HDX: variants seen among roughly 807,000 people sequenced by gnomAD.
HDX encodes highly divergent homeobox.
HDX carries 19 observed loss-of-function variants against 45.2 expected under a neutral mutation model. The observed-to-expected ratio is 0.42, with a 90% CI of 0.29 to 0.62. The LOEUF (loss-of-function observed/expected upper bound fraction) is 0.62. Ranked by LOEUF, HDX falls within the 20% of genes least tolerant of loss-of-function variation. The probability of loss-of-function intolerance (pLI) is 0.20; values close to 1 mark genes in which losing one functional copy is unlikely to be tolerated. For synonymous variants in HDX, 188 were observed against 172.8 expected (o/e 1.09, Z -0.69); for missense variants, 532 against 493.9 (o/e 1.08, Z -0.73).
intron 5 of HDX, among the ~76,000 whole-genome samples, chrX:84,410,062 TAAAAAA>T (rs1215257762): frequency 1.3e-5 from 1 of 74,595 alleles, no homozygotes; most frequent in Admixed American, 1.6e-4. Flanking sequence ...CAAAAAAGAT[TAAAAAA>T]AAAAAAAAAA....
At chrX:84,469,644 T>A (rs1032322458) in intron 3 of HDX, 69 bp from the exon 4 acceptor site, 32 of 863,227 alleles carry the variant, frequency 3.7e-5, no homozygotes, top group Non-Finnish European at 4.9e-5. Flanking sequence ...AAATTTTACG[T>A]GGTACATTAT....
At chrX:84,413,280 T>C (rs775509795) in intron 5 of HDX, among the ~76,000 whole-genome samples, 1 of 112,310 alleles carries the variant, frequency 8.9e-6, no homozygotes, top group East Asian at 2.8e-4. Context: ...TGTGCTGATG[T>C]TTTTTGAGTC....
intron 5 of HDX, among the ~76,000 whole-genome samples, chrX:84,428,493 C>T (rs780309082): frequency 9.0e-6 from 1 of 110,811 alleles, no homozygotes; most frequent in Non-Finnish European, 1.9e-5. Context: ...TTGTCTTTCG[C>T]GGACATTTTA....
chrX:84,490,850 T>G (rs2040879880), intron 1 of HDX, among the ~76,000 whole-genome samples: 1 of 111,203 alleles, frequency 9.0e-6, no homozygotes, highest in Non-Finnish European at 1.9e-5. Flanking sequence ...TTCAGCACAT[T>G]AAGAATGTTG....
In HDX at chrX:84,326,234, T is replaced by C. The variant is rs765365495; in HGVS notation, c.1891A>G (p.Thr631Ala). The change falls in exon 10 of 11, where the codon ACT becomes GCT. Residue 631 changes from threonine to alanine, a missense_variant. Around this residue, in one of 3 missense-constraint regions of HDX, gnomAD observed 151 missense variants for 131.8 expected, o/e 1.15. Transcript: ENST00000373177. ...GCTAATATCAAGCTTCTAACAAAAG[T>C]CTGAAGTTTAAAGTATTTTTGCTTT... ...IQKQKYFKLQTFVRSLILAMK... is the reference protein window; with the variant it reads ...IQKQKYFKLQAFVRSLILAMK... The C allele has an allele frequency of 2.5e-6, 3 of 1,198,847 alleles. No individual in the cohort carries two copies. Among genetic ancestry groups the C allele is most frequent in the South Asian group, 3.5e-5 (2 of 56,654 alleles).
At chrX:84,362,104 G>A (rs192610619) in intron 5 of HDX, among the ~76,000 whole-genome samples, 1 of 111,230 alleles carries the variant, frequency 9.0e-6, no homozygotes, top group East Asian at 2.8e-4. Flanking sequence ...CTAGATATTA[G>A]TTTCCTATTG....
At chrX:84,483,129 AC>A (rs1206326153) in intron 2 of HDX, among the ~76,000 whole-genome samples, 1 of 110,734 alleles carries the variant, frequency 9.0e-6, no homozygotes, top group East Asian at 2.9e-4. Context: ...AGCTGATTTC[AC>A]AGACTGATGT....
chrX:84,432,176 T>C (rs1473324593), intron 5 of HDX, among the ~76,000 whole-genome samples: 1 of 111,534 alleles, frequency 9.0e-6, no homozygotes, highest in East Asian at 2.8e-4. Flanking sequence ...GGCTCTCTAT[T>C]CTGTTCCATT....
In HDX at chrX:84,321,907, A is replaced by G. The variant is rs2036604704; in HGVS notation, c.2055T>C (p.Asn685=). 9 of 1,191,503 alleles carry G rather than the reference A, an allele frequency of 7.6e-6. No individual in the cohort carries two copies. The East Asian group carries it at 2.7e-4, about 36-fold the overall frequency. ...SFSVSSLSEK[N]VSESL ...ACTGAAATCACAAACTTTCTGAGAC[A>G]TTTTTCTCTGACAAAGAAGATACAC... is the stretch of plus-strand genomic sequence containing the variant. The change falls in exon 11 of 11, where the codon AAT becomes AAC. Residue 685 remains asparagine, a synonymous_variant. Transcript: ENST00000373177.
chrX:84,462,964 A>G lies in HDX; in HGVS notation c.1251+5508T>C, dbSNP rs754526056. 2.5e-3 allele frequency among the ~76,000 whole-genome samples: 275 copies of G among 111,280 alleles called. 1 individual carries two copies. The highest frequency in any genetic ancestry group is 8.4e-3 in the African/African-American group (258 of 30,696). On this transcript the variant is annotated intron_variant, in intron 4 of 10. Transcript: ENST00000373177. The stretch of plus-strand genomic sequence containing the variant: ...TATGACTCCATTTATATTAAAATGC[A>G]GAAAAGATAAATCCATAGAGATAGA...
At chrX:84,436,834 T>A (rs77339920) in intron 5 of HDX, among the ~76,000 whole-genome samples, 1 of 3,298 alleles carries the variant, frequency 3.0e-4, no homozygotes, top group East Asian at 1.1e-3. Context: ...TTGCTGGGAT[T>A]TTTTTTTTTT....
At chrX:84,375,851 A>G (rs1281729541) in intron 5 of HDX, among the ~76,000 whole-genome samples, 1 of 111,478 alleles carries the variant, frequency 9.0e-6, no homozygotes, top group Non-Finnish European at 1.9e-5. Flanking sequence ...ATATGTAGCT[A>G]ACCTGCACAT....
chrX:84,465,126 C>T (rs193193426), intron 4 of HDX, among the ~76,000 whole-genome samples: 3 of 112,110 alleles, frequency 2.7e-5, no homozygotes, highest in East Asian at 2.8e-4. Flanking sequence ...AATGAGATAA[C>T]ATCTCATGCC....
At chrX:84,450,261 CA>C (rs1222644852) in intron 4 of HDX, among the ~76,000 whole-genome samples, 4 of 110,212 alleles carry the variant, frequency 3.6e-5, no homozygotes, top group Admixed American at 1.9e-4. Context: ...TGGACAACAA[CA>C]AAAAAAACCA....
intron 4 of HDX, among the ~76,000 whole-genome samples, chrX:84,454,602 C>A (rs1192323671): frequency 1.8e-5 from 2 of 111,151 alleles, no homozygotes; most frequent in African/African-American, 6.5e-5. Context: ...CAACTCTGGG[C>A]CCTCTCTCTT....
chrX:84,324,369 A>G (rs2036664237), intron 10 of HDX, among the ~76,000 whole-genome samples: 1 of 111,791 alleles, frequency 8.9e-6, no homozygotes, highest in African/African-American at 3.2e-5. Context: ...ATATTTCATG[A>G]TGTAAAGATC....
chrX:84,440,490 A>G, intron 5 of HDX, 42 bp downstream of exon 5: 1 of 961,658 alleles, frequency 1.0e-6, no homozygotes, highest in Non-Finnish European at 1.5e-6. Context: ...CTAACAGCAC[A>G]AGGGGAAACC....
chrX:84,343,177 A>C lies in HDX; in HGVS notation c.1660+1073T>G, dbSNP rs1301264473. 3.6e-5 allele frequency among the ~76,000 whole-genome samples: 4 copies of C among 111,128 alleles called. No individual in the cohort carries two copies. In the East Asian group the frequency reaches 1.1e-3, roughly 32 times the overall value. ...TTATTGGAGAGATGAAACTGATATA[A>C]ATTCAGATTTCAGTGATGGTGATGG... On this transcript the variant is annotated intron_variant, in intron 7 of 10. Coordinates refer to ENST00000373177, the MANE Select transcript of HDX (RefSeq NM_001177479.2).
chrX:84,336,672 GA>G (rs2147782496), intron 8 of HDX, 128 bp downstream of exon 8: 2 of 460,879 alleles, frequency 4.3e-6, no homozygotes, highest in East Asian at 4.2e-5. Context: ...AATTTCATTG[GA>G]AAGAGGTCTG....
Sources: allele counts gnomAD v4.1 joint callset (sites outside exome capture counted in the v4.1 genomes callset), GRCh38; gene constraint gnomAD v4.1.1; regional missense constraint gnomAD v4.1.1; transcripts MANE v1.5; gene names NCBI Gene and HGNC (gene_info 2026-07-23, HGNC 2026-07-21).